Variants in MAP7D1 observed in about 807,000 individuals in gnomAD.
The protein encoded by MAP7D1 is MAP7 domain containing 1.
In MAP7D1, 30 loss-of-function variants were observed where a neutral mutation model predicts 97.5. That is an observed-to-expected ratio of 0.31 (90% CI 0.23 to 0.42). The LOEUF (loss-of-function observed/expected upper bound fraction) is 0.42, where lower values mean the gene tolerates loss of function less well. Ranked by LOEUF, MAP7D1 falls within the 10% of genes least tolerant of loss-of-function variation. The pLI is 1.00. For synonymous variants in MAP7D1, 536 were observed against 477.1 expected, an observed-to-expected ratio of 1.12 and a Z score of -1.61; for missense variants, 1,184 against 1,179.5, an observed-to-expected ratio of 1.00 and a Z score of -0.06.
rs1009398224 is a variant in MAP7D1 at position 36,176,299 on chromosome 1, G to A, written c.951G>A (p.Leu317=). ...FLARSRSAVT[L]PRNGRDQGRG... is the part of the protein sequence containing the mutation. ...CTCGGAGTCGCAGCGCGGTCACACTGCCCCGCAACGGCCGGGACCAGGGTA... is the reference window on the plus strand; with the variant it reads ...CTCGGAGTCGCAGCGCGGTCACACTACCCCGCAACGGCCGGGACCAGGGTA... The change falls in exon 7 of 17, where the codon CTG becomes CTA. Residue 317 remains leucine (L), a synonymous_variant. Transcript: ENST00000474796. This position sits in a 1 kb window ranked among gnomAD's most constrained non-coding sequence, Gnocchi z 6.1. The A allele has an allele frequency of 1.9e-6, 3 of 1,578,718 alleles. No individual in the cohort carries two copies. Among genetic ancestry groups the A allele is most frequent in the African/African-American group, 2.7e-5 (2 of 73,704 alleles).
chr1:36,178,447 C>A lies in MAP7D1; in HGVS notation c.1737C>A (p.Ala579=), dbSNP rs751161057. The A allele has an allele frequency of 1.2e-6, 2 of 1,611,232 alleles. No individual in the cohort carries two copies. Among genetic ancestry groups the A allele is most frequent in the Admixed American group, 3.3e-5 (2 of 59,942 alleles). The change falls in exon 10 of 17, where the codon GCC becomes GCA. Residue 579 remains alanine (A), a synonymous_variant. Coordinates refer to ENST00000474796, the MANE Select transcript of MAP7D1 (RefSeq NM_001388490.1). ...TDAAVLTSPP[A]PAPPVTPSKP... is the part of the protein sequence containing the mutation. ...CTGCTGTCTTGACCTCACCCCCAGC[C>A]CCTGCTCCCCCGGTGACCCCTAGCA...
chr1:36,169,425 G>C (rs536434086), intron 1 of MAP7D1, among the ~76,000 whole-genome samples: 1 of 151,704 alleles, frequency 6.6e-6, no homozygotes, highest in Non-Finnish European at 1.5e-5. Flanking sequence ...GCGTGGTGGC[G>C]GGCGCCTGTA....
At chr1:36,157,740 T>G (rs1644357199) in intron 1 of MAP7D1, among the ~76,000 whole-genome samples, 1 of 151,932 alleles carries the variant, frequency 6.6e-6, no homozygotes, top group Non-Finnish European at 1.5e-5. Flanking sequence ...CAGGATAAGG[T>G]GGGGCCAATG....
chr1:36,176,521 C>G lies in MAP7D1; in HGVS notation c.1173C>G (p.Arg391=). ...RCAPAGERGE[R]RKPNAGGSPA... ...CCCCCGCCGGTGAGCGCGGGGAGCG[C>G]CGCAAGCCCAACGCCGGGGGCAGCC... Residue 391 remains arginine (R), a synonymous_variant, in exon 7 of 17, where the codon CGC becomes CGG. Transcript: ENST00000474796. This position sits in a 1 kb window ranked among gnomAD's most constrained non-coding sequence, Gnocchi z 6.1. 7.2e-7 allele frequency: 1 copy of G among 1,382,790 alleles called. No individual in the cohort carries two copies. The highest frequency in any genetic ancestry group is 9.4e-7 in the Non-Finnish European group (1 of 1,069,062). The allele number at this position is 1,382,790 out of a possible 1,614,324, so 85.7% of individuals were successfully genotyped here.
chr1:36,170,986 C>A lies in MAP7D1; in HGVS notation c.62C>A (p.Thr21Asn). 10 of 1,377,840 alleles carry A rather than the reference C, an allele frequency of 7.3e-6. No homozygotes were observed. The highest frequency in any genetic ancestry group is 8.1e-6 in the Non-Finnish European group (8 of 987,352). 85.4% of individuals were successfully genotyped at this position (1,377,840 alleles called of 1,614,324 possible). ...GGTCTTTCAGCTGTGGTCGCCAGGA[C>A]CCCCCCAGAGCCAAGACCTTCTCCA... ...AGAPPAVVAR[T>N]PPEPRPSPEG... The change falls in exon 2 of 17, where the codon ACC becomes AAC. Residue 21 changes from threonine to asparagine, a missense_variant. Transcript: ENST00000474796.
intron 6 of MAP7D1, among the ~76,000 whole-genome samples, chr1:36,175,769 G>A (rs886469180): frequency 2.0e-5 from 3 of 152,182 alleles, no homozygotes; most frequent in Non-Finnish European, 4.4e-5. Context: ...CTAAAAGCTG[G>A]GTCAGAGGAG....
chr1:36,178,871 G>C (rs1221046535), intron 11 of MAP7D1, 48 bp downstream of exon 11: 2 of 1,548,246 alleles, frequency 1.3e-6, no homozygotes, highest in Admixed American at 4.0e-5. Flanking sequence ...CCGCGGGCCG[G>C]GAGGGAAGGC....
At chr1:36,179,795 C>T in intron 15 of MAP7D1, 39 bp downstream of exon 15, 1 of 1,554,840 alleles carries the variant, frequency 6.4e-7, no homozygotes, top group South Asian at 1.2e-5. Flanking sequence ...AGCAGGGAGG[C>T]AGACTGCAGC....
At chr1:36,162,172 G>A (rs1405372981) in intron 1 of MAP7D1, among the ~76,000 whole-genome samples, 1 of 152,080 alleles carries the variant, frequency 6.6e-6, no homozygotes, top group Non-Finnish European at 1.5e-5. Flanking sequence ...CTGAGGTGCT[G>A]TCTGTGCACC....
At chr1:36,170,295 G>A (rs1644523351) in intron 1 of MAP7D1, among the ~76,000 whole-genome samples, 1 of 152,124 alleles carries the variant, frequency 6.6e-6, no homozygotes, top group African/African-American at 2.4e-5. Flanking sequence ...GTGTGGCTTG[G>A]GGAAAAAAGA....
At position 36,159,671 on chromosome 1, in the gene MAP7D1, G is replaced by T. The variant is rs1265349571; in HGVS notation, c.46+3208G>T. Among the ~76,000 whole-genome samples, 1 of 152,192 alleles carries T rather than the reference G, an allele frequency of 6.6e-6. No individual in the cohort carries two copies. The highest frequency in any genetic ancestry group is 1.5e-5 in the Non-Finnish European group (1 of 68,032). The stretch of plus-strand genomic sequence containing the variant: ...CAGACGGAGTTTTGACTCTTGGGGA[G>T]CTCTTAACGCGGCGAGGAAGGCAGA... On this transcript the variant is annotated intron_variant, in intron 1 of 16. Coordinates refer to ENST00000474796, the MANE Select transcript of MAP7D1 (RefSeq NM_001388490.1). The surrounding 1 kb of genome is among the most constrained non-coding windows in gnomAD (Gnocchi z 5.4).
rs1331101430 is a variant in MAP7D1 at position 36,178,826 on chromosome 1, GC to G, written c.2025+8del. The G allele has an allele frequency of 1.3e-6, 2 of 1,531,590 alleles. No homozygotes were observed. Among genetic ancestry groups the G allele is most frequent in the Non-Finnish European group, 1.7e-6 (2 of 1,144,924 alleles). 94.9% of individuals were successfully genotyped at this position (1,531,590 alleles called of 1,614,324 possible). A position where few individuals can be genotyped will look rare whatever the true frequency, so the allele number is the denominator to read the frequency against. On this transcript the variant is annotated splice_donor_region_variant and intron_variant, in intron 11 of 16. Coordinates refer to ENST00000474796, the MANE Select transcript of MAP7D1 (RefSeq NM_001388490.1). Reference sequence around the variant, plus strand: ...AGCAGGAGCGGCTGCAGAAGCAGGTGCCCCCGGCGGGCGGGAAGCGGCTGGG... The same window carrying G: ...AGCAGGAGCGGCTGCAGAAGCAGGTGCCCCGGCGGGCGGGAAGCGGCTGGG...
At chr1:36,175,530 C>G (rs1445550124) in intron 6 of MAP7D1, among the ~76,000 whole-genome samples, 1 of 152,208 alleles carries the variant, frequency 6.6e-6, no homozygotes, top group Non-Finnish European at 1.5e-5. Context: ...GTGGCATAGC[C>G]CCTGCATTCC....
At chr1:36,168,649 A>G (rs1386263864) in intron 1 of MAP7D1, among the ~76,000 whole-genome samples, 3 of 152,142 alleles carry the variant, frequency 2.0e-5, no homozygotes, top group Non-Finnish European at 4.4e-5. Context: ...TGGGGAAGAC[A>G]GGGCCTCAGC....
intron 1 of MAP7D1, among the ~76,000 whole-genome samples, chr1:36,164,144 G>A (rs1644446943): frequency 6.6e-6 from 1 of 152,148 alleles, no homozygotes; most frequent in Admixed American, 6.5e-5. Flanking sequence ...CTTTATTAGA[G>A]TAAAAATCTT....
intron 1 of MAP7D1, among the ~76,000 whole-genome samples, chr1:36,170,264 G>A (rs1028197028): frequency 6.6e-6 from 1 of 152,234 alleles, no homozygotes; most frequent in African/African-American, 2.4e-5. Context: ...CAATAGTCAT[G>A]TCTTAAAAGC....
intron 1 of MAP7D1, among the ~76,000 whole-genome samples, chr1:36,158,514 A>G (rs945758565): frequency 6.6e-6 from 1 of 152,158 alleles, no homozygotes; most frequent in Non-Finnish European, 1.5e-5. Context: ...CAGGTCAGAA[A>G]ACCTGGATGG....
Position 36,172,663 on chromosome 1 carries a change from G to T in MAP7D1, c.624+36G>T, listed in dbSNP as rs1644562668. On this transcript the variant is annotated intron_variant, in intron 4 of 16. Transcript: ENST00000474796. ...GGTCTCCGTGAATCCATGTACACGT[G>T]TGCTCACCGTCTGCATACTGGTGCA... 5 of 1,507,432 alleles carry T rather than the reference G, an allele frequency of 3.3e-6. No individual in the cohort carries two copies. The South Asian group carries it at 5.1e-5, about 16-fold the overall frequency. 93.4% of individuals were successfully genotyped at this position (1,507,432 alleles called of 1,614,324 possible).
At chr1:36,166,696 C>A (rs1156467864) in intron 1 of MAP7D1, among the ~76,000 whole-genome samples, 1 of 151,904 alleles carries the variant, frequency 6.6e-6, no homozygotes, top group African/African-American at 2.4e-5. Flanking sequence ...GCCAATCTGA[C>A]TTATTTTTAA....
Sources: allele counts gnomAD v4.1 joint callset (sites outside exome capture counted in the v4.1 genomes callset), GRCh38; gene constraint gnomAD v4.1.1; non-coding constraint Gnocchi (gnomAD v3.1); transcripts MANE v1.5; gene names NCBI Gene and HGNC (gene_info 2026-07-23, HGNC 2026-07-21).